RTN3: variants seen among roughly 807,000 people sequenced by gnomAD.
RTN3 encodes reticulon 3.
In RTN3, 49 loss-of-function variants were observed where a neutral mutation model predicts 77.8. The ratio of observed to expected loss-of-function variants is 0.63; its 90% CI spans 0.50 to 0.80. RTN3 has a LOEUF of 0.80. RTN3 is among the 30% of genes least tolerant of loss of function. RTN3 has a pLI of 0.00. For synonymous variants in RTN3, 464 were observed against 446.9 expected, an observed-to-expected ratio of 1.04 and a Z score of -0.48; for missense variants, 1,236 against 1,211.9, an observed-to-expected ratio of 1.02 and a Z score of -0.29.
chr11:63,687,462 C>A (rs1380871766), intron 1 of RTN3, among the ~76,000 whole-genome samples: 2 of 151,992 alleles, frequency 1.3e-5, no homozygotes, highest in African/African-American at 4.8e-5. Context: ...ATTAAAGATA[C>A]AAAAAATTAG....
chr11:63,681,588 C>G lies in RTN3; in HGVS notation c.-49C>G. 1 of 1,531,946 alleles carries G rather than the reference C, an allele frequency of 6.5e-7. No individual in the cohort carries two copies. The highest frequency in any genetic ancestry group is 8.8e-7 in the Non-Finnish European group (1 of 1,137,232). 94.9% of individuals were successfully genotyped at this position (1,531,946 alleles called of 1,614,324 possible). A position where few individuals can be genotyped will look rare whatever the true frequency, so the allele number is the denominator to read the frequency against. On this transcript the variant is annotated 5_prime_UTR_variant, in exon 1 of 9. Transcript: ENST00000377819. ...ATTATTCTATTTCCCCTCCCTCTCT[C>G]CCGCCCCGTATCTCTTTTCACCCTT...
chr11:63,728,444 A>G (rs946067638), intron 3 of RTN3, among the ~76,000 whole-genome samples: 1 of 152,246 alleles, frequency 6.6e-6, no homozygotes, highest in African/African-American at 2.4e-5. Context: ...GCCATCTCCA[A>G]GGAGCCAGCA....
At chr11:63,753,267 G>C (rs1165012242) in intron 6 of RTN3, 129 bp downstream of exon 6, 2 of 796,606 alleles carry the variant, frequency 2.5e-6, no homozygotes, top group Non-Finnish European at 4.1e-6. Context: ...CCTGGGAGTA[G>C]AGGCACTGGA....
rs11603971 is a variant in RTN3 at position 63,732,348 on chromosome 11, A to T, written c.2530+11316A>T. On this transcript the variant is annotated intron_variant, in intron 3 of 8. Transcript: ENST00000377819. ...GCACTATCATACTTTATTAATTTTT[A>T]AAAATTTTTTGTAGAAATGGGGTCT... Among the ~76,000 whole-genome samples the T allele has an allele frequency of 9.2e-3, 1,404 of 152,066 alleles. 8 individuals are homozygous for T. The highest frequency in any genetic ancestry group is 0.013 in the Non-Finnish European group (852 of 67,968).
intron 2 of RTN3, among the ~76,000 whole-genome samples, chr11:63,705,619 C>T (rs1180080064): frequency 6.6e-6 from 1 of 152,222 alleles, no homozygotes; most frequent in Non-Finnish European, 1.5e-5. Flanking sequence ...TGTGCTTCCA[C>T]TGAACTAGAA....
In RTN3 at chr11:63,753,719, A is replaced by T. The variant is rs1404321704; in HGVS notation, c.2994+11A>T. The T allele has an allele frequency of 6.2e-7, 1 of 1,611,718 alleles. No individual in the cohort carries two copies. The highest frequency in any genetic ancestry group is 8.5e-7 in the Non-Finnish European group (1 of 1,178,016). ...TATGAGAAGTACAAGGTAAGCATTTATCTGTTCCAAATCAAATGTGCCAGT... is the reference window on the plus strand; with the variant it reads ...TATGAGAAGTACAAGGTAAGCATTTTTCTGTTCCAAATCAAATGTGCCAGT... On this transcript the variant is annotated intron_variant, in intron 7 of 8. Coordinates refer to ENST00000377819, the MANE Select transcript of RTN3 (RefSeq NM_001265589.2).
chr11:63,681,759 C>G lies in RTN3; in HGVS notation c.123C>G (p.Ser41Arg). ...CCTGCCCCGCCCTGGGGACGAAGAG[C>G]TGCAGCTCCTCCTGTGCGGGTAAGG... ...PGACPALGTK[S>R]CSSSCADSFV... Residue 41 changes from serine to arginine, a missense_variant, in exon 1 of 9, where the codon AGC (serine) becomes AGG (arginine). Ser to Arg is a moderately radical substitution (Grantham distance 110). Coordinates refer to ENST00000377819, the MANE Select transcript of RTN3 (RefSeq NM_001265589.2). 6.3e-7 allele frequency: 1 copy of G among 1,599,130 alleles called. No individual in the cohort carries two copies. Among genetic ancestry groups the G allele is most frequent in the Non-Finnish European group, 8.5e-7 (1 of 1,175,276 alleles).
At chr11:63,735,547 C>T (rs1000644343) in intron 3 of RTN3, among the ~76,000 whole-genome samples, 3 of 26,812 alleles carry the variant, frequency 1.1e-4, no homozygotes, top group Non-Finnish European at 1.8e-4. Context: ...CAGATTCTAA[C>T]ATTTCTCTCT....
chr11:63,684,313 AATTTTTTGT>A (rs1355608056), intron 1 of RTN3, among the ~76,000 whole-genome samples: 1 of 151,816 alleles, frequency 6.6e-6, no homozygotes, highest in Non-Finnish European at 1.5e-5. Flanking sequence ...ATGCCCGGCT[AATTTTTTGT>A]ATTTTTAGTA....
At chr11:63,686,402 C>T (rs1395602511) in intron 1 of RTN3, among the ~76,000 whole-genome samples, 2 of 144,126 alleles carry the variant, frequency 1.4e-5, no homozygotes, top group Non-Finnish European at 3.0e-5. Flanking sequence ...ACCCAGGAGG[C>T]GGAGCTTGCA....
intron 2 of RTN3, among the ~76,000 whole-genome samples, chr11:63,709,700 G>A (rs949217629): frequency 6.6e-6 from 1 of 152,120 alleles, no homozygotes; most frequent in Admixed American, 6.6e-5. Flanking sequence ...GTGGCTGCAA[G>A]TTGTTGATAC....
intron 3 of RTN3, among the ~76,000 whole-genome samples, chr11:63,722,251 A>G (rs2011873228): frequency 6.6e-6 from 1 of 152,214 alleles, no homozygotes; most frequent in Admixed American, 6.6e-5. Context: ...ATCTTTTATC[A>G]AATGAAATCA....
At chr11:63,685,968 CAG>C (rs904868619) in intron 1 of RTN3, among the ~76,000 whole-genome samples, 1 of 152,082 alleles carries the variant, frequency 6.6e-6, no homozygotes, top group Non-Finnish European at 1.5e-5. Context: ...AGATGGGGAT[CAG>C]GGGTCAGGAT....
At chr11:63,706,036 A>ACAGTTTG (rs1942479177) in intron 2 of RTN3, among the ~76,000 whole-genome samples, 1 of 152,256 alleles carries the variant, frequency 6.6e-6, no homozygotes. Flanking sequence ...TCTTGTGCAA[A>ACAGTTTG]CAGTTTGTTG....
At chr11:63,687,587 G>A (rs1055846818) in intron 1 of RTN3, among the ~76,000 whole-genome samples, 1 of 150,862 alleles carries the variant, frequency 6.6e-6, no homozygotes, top group Admixed American at 6.6e-5. Flanking sequence ...TCCAGCCTGA[G>A]CAACAGGGTG....
chr11:63,711,625 C>T (rs914103352), intron 2 of RTN3, among the ~76,000 whole-genome samples: 6 of 152,142 alleles, frequency 3.9e-5, no homozygotes, highest in Middle Eastern at 3.4e-3. Context: ...AATGCAATGG[C>T]GCGATCTCAG....
At chr11:63,699,176 C>G (rs982410864) in intron 1 of RTN3, among the ~76,000 whole-genome samples, 2 of 152,076 alleles carry the variant, frequency 1.3e-5, no homozygotes, top group Non-Finnish European at 2.9e-5. Context: ...TAGCATGCAC[C>G]TGTAATCCCA....
intron 3 of RTN3, chr11:63,746,881 G>T: frequency 2.3e-6 from 1 of 442,644 alleles, no homozygotes; most frequent in Admixed American, 2.4e-5. Context: ...CAATTATATA[G>T]TACACATTTA....
chr11:63,742,544 G>T (rs2013548240), intron 3 of RTN3, among the ~76,000 whole-genome samples: 1 of 151,950 alleles, frequency 6.6e-6, no homozygotes, highest in African/African-American at 2.4e-5. Context: ...ACTTTGGGAG[G>T]CTCAGGCAGG....
Sources: allele counts gnomAD v4.1 joint callset (sites outside exome capture counted in the v4.1 genomes callset), GRCh38; gene constraint gnomAD v4.1.1; transcripts MANE v1.5; gene names NCBI Gene and HGNC (gene_info 2026-07-23, HGNC 2026-07-21).